The following RFX3 variants were observed in gnomAD, a reference collection of about 807,000 sequenced individuals.
RFX3 encodes transcription factor RFX3.
In RFX3, 14 loss-of-function variants were observed where a neutral mutation model predicts 98.6. The observed-to-expected ratio is 0.14, with a 90% CI of 0.09 to 0.22. The LOEUF is 0.22. Among genes scored for constraint, RFX3 ranks in the 10% least tolerant of loss-of-function variants. The probability of loss-of-function intolerance (pLI) is 1.00; values close to 1 mark genes in which losing one functional copy is unlikely to be tolerated. For missense variants in RFX3, 639 were observed against 926.9 expected (o/e 0.69, Z 4.03); for synonymous variants, 383 against 328.4 (o/e 1.17, Z -1.80).
intron 3 of RFX3, among the ~76,000 whole-genome samples, chr9:3,336,202 TACA>T (rs1047473291): frequency 2.0e-5 from 3 of 152,098 alleles, no homozygotes; most frequent in Non-Finnish European, 4.4e-5. Flanking sequence ...CTCACATGGG[TACA>T]ACATTTTATT....
chr9:3,235,148 A>T (rs1307094913), intron 15 of RFX3, among the ~76,000 whole-genome samples: 1 of 152,242 alleles, frequency 6.6e-6, no homozygotes, highest in African/African-American at 2.4e-5. Context: ...GATTAGGGAA[A>T]AGTTTACATG....
chr9:3,481,362 C>A (rs768581643), intron 1 of RFX3, among the ~76,000 whole-genome samples: 24 of 152,200 alleles, frequency 1.6e-4, no homozygotes, highest in Non-Finnish European at 3.1e-4. Flanking sequence ...GGATTTCTCT[C>A]TCACAATCCT....
intron 4 of RFX3, among the ~76,000 whole-genome samples, chr9:3,316,848 A>G (rs932656400): frequency 2.0e-5 from 3 of 152,228 alleles, no homozygotes; most frequent in African/African-American, 4.8e-5. Context: ...ACTACAAACT[A>G]CTGCTCAACG....
intron 1 of RFX3, among the ~76,000 whole-genome samples, chr9:3,435,940 G>C (rs557024055): frequency 6.6e-6 from 1 of 151,888 alleles, no homozygotes; most frequent in South Asian, 2.1e-4. Flanking sequence ...CTCCCAGTTG[G>C]TCTACATTTT....
At chr9:3,309,661 A>G (rs571206776) in intron 4 of RFX3, among the ~76,000 whole-genome samples, 1 of 152,348 alleles carries the variant, frequency 6.6e-6, no homozygotes, top group South Asian at 2.1e-4. Flanking sequence ...GAAGGGATCA[A>G]TATTACATTT....
chr9:3,492,352 G>A (rs956085818), intron 1 of RFX3, among the ~76,000 whole-genome samples: 6 of 152,158 alleles, frequency 3.9e-5, no homozygotes, highest in South Asian at 2.1e-4. Context: ...CAGCACAACC[G>A]TGAGACTCAG....
intron 1 of RFX3, among the ~76,000 whole-genome samples, chr9:3,487,298 T>C (rs1267690459): frequency 2.0e-5 from 3 of 152,244 alleles, no homozygotes; most frequent in Admixed American, 6.5e-5. Context: ...TATTTACTAA[T>C]GTCATTTTAA....
At chr9:3,525,299 G>C (rs947415501) in intron 1 of RFX3, among the ~76,000 whole-genome samples, 2 of 152,318 alleles carry the variant, frequency 1.3e-5, no homozygotes, top group Admixed American at 6.5e-5. Flanking sequence ...TTTCGGCTTT[G>C]AAAGAAGCAG....
At chr9:3,434,243 C>T (rs1006860412) in intron 1 of RFX3, among the ~76,000 whole-genome samples, 3 of 152,018 alleles carry the variant, frequency 2.0e-5, no homozygotes, top group Non-Finnish European at 2.9e-5. Context: ...GTGTCTGACA[C>T]GTAATAAAGC....
chr9:3,480,749 T>A (rs1181387194), intron 1 of RFX3, among the ~76,000 whole-genome samples: 1 of 152,178 alleles, frequency 6.6e-6, no homozygotes, highest in Non-Finnish European at 1.5e-5. Context: ...AGTCAATTAA[T>A]CTCTCTAAGC....
At chr9:3,355,636 C>CA (rs1359778172) in intron 2 of RFX3, among the ~76,000 whole-genome samples, 2 of 151,608 alleles carry the variant, frequency 1.3e-5, no homozygotes, top group African/African-American at 4.8e-5. Context: ...AGTTGATACG[C>CA]AAAAAAGACA....
At chr9:3,343,236 T>C (rs1024422107) in intron 3 of RFX3, among the ~76,000 whole-genome samples, 2 of 152,158 alleles carry the variant, frequency 1.3e-5, no homozygotes, top group African/African-American at 4.8e-5. Context: ...ATTAGCGAGC[T>C]TACTAAGCAT....
chr9:3,520,864 G>C (rs1288182995), intron 1 of RFX3, among the ~76,000 whole-genome samples: 2 of 152,070 alleles, frequency 1.3e-5, no homozygotes, highest in African/African-American at 4.8e-5. Flanking sequence ...TTTTTTTACA[G>C]AAATGAAATC....
intron 1 of RFX3, among the ~76,000 whole-genome samples, chr9:3,504,921 CAT>C (rs1322880831): frequency 2.8e-4 from 6 of 21,432 alleles, no homozygotes; most frequent in African/African-American, 6.7e-4. Flanking sequence ...TATAATATAA[CAT>C]ATATTATATA....
intron 2 of RFX3, among the ~76,000 whole-genome samples, chr9:3,367,542 C>T (rs1041946398): frequency 6.6e-6 from 1 of 152,162 alleles, no homozygotes; most frequent in Non-Finnish European, 1.5e-5. Context: ...TTGTTTTGAG[C>T]TACTACATCC....
intron 14 of RFX3, among the ~76,000 whole-genome samples, chr9:3,252,947 G>C (rs367947504): frequency 6.6e-6 from 1 of 152,074 alleles, no homozygotes; most frequent in Admixed American, 6.6e-5. Context: ...CTCTGTGTCA[G>C]GCCTCCGCTT....
intron 16 of RFX3, among the ~76,000 whole-genome samples, chr9:3,227,263 G>C (rs1456537462): frequency 1.3e-5 from 2 of 152,178 alleles, no homozygotes; most frequent in Non-Finnish European, 2.9e-5. Flanking sequence ...TGTCTATTTT[G>C]TTGTGGATGG....
rs1327877546 is a variant in RFX3 at position 3,223,938 on chromosome 9, C to T, written c.*1104G>A. 2 of 152,200 alleles carry T rather than the reference C, an allele frequency of 1.3e-5. No homozygotes were observed. The highest frequency in any genetic ancestry group is 6.5e-5 in the Admixed American group (1 of 15,276). The allele number at this position is 152,200 out of a possible 1,614,324, so 9.4% of individuals were successfully genotyped here. ...AAGTAACAGTGAGGTGTGCCAGTTA[C>T]ACTGCCTTCAGGTTCTGTTTACAAT... On this transcript the variant is annotated 3_prime_UTR_variant, in exon 17 of 17. Transcript: ENST00000617270.
At chr9:3,363,486 G>A (rs144874698) in intron 2 of RFX3, among the ~76,000 whole-genome samples, 304 of 152,262 alleles carry the variant, frequency 2.0e-3, no homozygotes, top group African/African-American at 6.9e-3. Flanking sequence ...TCAGGGTATA[G>A]AACTGGAAAT....
Sources: gnomAD v4.1 joint callset for allele counts (sites outside exome capture counted in the v4.1 genomes callset) on GRCh38, gnomAD v4.1.1 for gene constraint, MANE v1.5 for transcripts, NCBI Gene and HGNC (gene_info 2026-07-23, HGNC 2026-07-21) for gene names.